Variants in CLYBL observed in about 807,000 individuals in gnomAD.
CLYBL encodes citramalyl-CoA lyase, mitochondrial.
In CLYBL, 31 loss-of-function variants were observed where a neutral mutation model predicts 38.9. That is an observed-to-expected ratio of 0.80 (90% confidence interval 0.60 to 1.08). The LOEUF (loss-of-function observed/expected upper bound fraction) is 1.08, where lower values mean the gene tolerates loss of function less well. CLYBL is among the 50% of genes least tolerant of loss of function. The pLI, the probability that CLYBL is intolerant of heterozygous loss-of-function variation, is 0.00. For synonymous variants in CLYBL, 171 were observed against 158.6 expected, an observed-to-expected ratio of 1.08 and a Z score of -0.59; for missense variants, 434 against 411.6, an observed-to-expected ratio of 1.05 and a Z score of -0.47.
chr13:99,648,156 A>G (rs200201728), intron 1 of CLYBL, among the ~76,000 whole-genome samples: 1 of 152,206 alleles, frequency 6.6e-6, no homozygotes, highest in East Asian at 1.9e-4. Context: ...TCGGGGGGGA[A>G]AAATCCTTTT....
At chr13:99,804,494 G>A (rs976883165) in intron 2 of CLYBL, among the ~76,000 whole-genome samples, 7 of 151,854 alleles carry the variant, frequency 4.6e-5, no homozygotes, top group African/African-American at 1.5e-4. Context: ...CTCCCTTGAT[G>A]ATCAGAGAGA....
At chr13:99,767,236 G>C (rs1192471070) in intron 1 of CLYBL, among the ~76,000 whole-genome samples, 1 of 152,114 alleles carries the variant, frequency 6.6e-6, no homozygotes, top group Non-Finnish European at 1.5e-5. Context: ...TTTTTTCTGG[G>C]GTCCTGGGAA....
chr13:99,827,882 A>G (rs1339412301), intron 2 of CLYBL, among the ~76,000 whole-genome samples: 2 of 152,222 alleles, frequency 1.3e-5, no homozygotes, highest in Non-Finnish European at 2.9e-5. Flanking sequence ...GAGGGATCTC[A>G]CCAGAATAGT....
At chr13:99,876,312 T>C (rs1041671472) in intron 7 of CLYBL, among the ~76,000 whole-genome samples, 2 of 150,780 alleles carry the variant, frequency 1.3e-5, no homozygotes, top group Non-Finnish European at 3.0e-5. Flanking sequence ...TCCCAGCTAC[T>C]TGAGAGGCTG....
At chr13:99,674,251 A>G (rs1330441844) in intron 1 of CLYBL, among the ~76,000 whole-genome samples, 1 of 145,148 alleles carries the variant, frequency 6.9e-6, no homozygotes, top group Non-Finnish European at 1.5e-5. Context: ...TCGCAGGTTC[A>G]AGCGATTCTC....
intron 1 of CLYBL, among the ~76,000 whole-genome samples, chr13:99,609,792 G>A (rs1178973124): frequency 2.0e-5 from 3 of 152,138 alleles, no homozygotes; most frequent in African/African-American, 7.2e-5. Flanking sequence ...TGCCTCTGTC[G>A]CTCATAGTAT....
intron 1 of CLYBL, among the ~76,000 whole-genome samples, chr13:99,703,181 G>T (rs2048095131): frequency 6.6e-6 from 1 of 152,140 alleles, no homozygotes; most frequent in Non-Finnish European, 1.5e-5. Flanking sequence ...GGCTGGGCAC[G>T]AGGTGGCTCT....
chr13:99,778,885 C>T (rs2049578873), intron 2 of CLYBL, among the ~76,000 whole-genome samples: 1 of 152,114 alleles, frequency 6.6e-6, no homozygotes, highest in Non-Finnish European at 1.5e-5. Flanking sequence ...GATATTTAAA[C>T]AATTCTTTAA....
chr13:99,811,553 C>T (rs2761164), intron 2 of CLYBL, among the ~76,000 whole-genome samples: 98,229 of 152,012 alleles, frequency 0.65, 32,904 homozygotes, highest in East Asian at 0.95. Flanking sequence ...TGAGAAGCGG[C>T]TGGAGCCAGA....
At chr13:99,805,244 G>A (rs992557217) in intron 2 of CLYBL, among the ~76,000 whole-genome samples, 1 of 152,106 alleles carries the variant, frequency 6.6e-6, no homozygotes, top group African/African-American at 2.4e-5. Flanking sequence ...GTGTCTGTTC[G>A]AGTCCCTGCT....
intron 1 of CLYBL, among the ~76,000 whole-genome samples, chr13:99,625,860 G>A (rs2046862218): frequency 1.3e-5 from 2 of 152,206 alleles, no homozygotes; most frequent in African/African-American, 4.8e-5. Flanking sequence ...AAGAGAGAAG[G>A]GAAGAACATT....
intron 2 of CLYBL, among the ~76,000 whole-genome samples, chr13:99,838,090 ATAAG>A (rs1009264764): frequency 6.6e-6 from 1 of 152,212 alleles, no homozygotes; most frequent in African/African-American, 2.4e-5. Context: ...TCAAATATGC[ATAAG>A]TAATTATATA....
chr13:99,885,144 G>A lies in CLYBL; in HGVS notation c.928-6174G>A, dbSNP rs1240799888. The stretch of plus-strand genomic sequence containing the variant: ...GGCGCCTCCCCACAGGGGCCTCACA[G>A]TGTTGTGAAAGACAGCAATGTAAAC... On this transcript the variant is annotated intron_variant, in intron 7 of 8. Coordinates refer to ENST00000339105, the MANE Select transcript of CLYBL (RefSeq NM_206808.5). 3 of 520,096 alleles carry A rather than the reference G, an allele frequency of 5.8e-6. No individual in the cohort carries two copies. The East Asian group carries it at 1.7e-4, about 29-fold the overall frequency. The allele number at this position is 520,096 out of a possible 1,614,324, so 32.2% of individuals were successfully genotyped here. A position where few individuals can be genotyped will look rare whatever the true frequency, so the allele number is the denominator to read the frequency against.
At chr13:99,817,879 C>T (rs1488655163) in intron 2 of CLYBL, among the ~76,000 whole-genome samples, 11 of 152,044 alleles carry the variant, frequency 7.2e-5, no homozygotes, top group African/African-American at 2.4e-4. Flanking sequence ...TGGCACACAC[C>T]TCTAGTCTTA....
chr13:99,827,998 T>A (rs1477206544), intron 2 of CLYBL, among the ~76,000 whole-genome samples: 2 of 152,162 alleles, frequency 1.3e-5, no homozygotes, highest in African/African-American at 2.4e-5. Flanking sequence ...TTTCGTTTCA[T>A]TTGTGCACAG....
intron 1 of CLYBL, among the ~76,000 whole-genome samples, chr13:99,727,937 G>C (rs2139556981): frequency 6.6e-6 from 1 of 152,206 alleles, no homozygotes; most frequent in South Asian, 2.1e-4. Flanking sequence ...AATTAGCCAG[G>C]CATGGCGGTG....
intron 7 of CLYBL, among the ~76,000 whole-genome samples, chr13:99,872,704 G>A (rs181426697): frequency 1.3e-5 from 2 of 152,326 alleles, no homozygotes; most frequent in Admixed American, 1.3e-4. Context: ...ACATTGGGTA[G>A]CATCAAAGGA....
chr13:99,624,383 G>A (rs1213345824), intron 1 of CLYBL, among the ~76,000 whole-genome samples: 3 of 152,176 alleles, frequency 2.0e-5, no homozygotes, highest in Non-Finnish European at 4.4e-5. Flanking sequence ...ATGAGCGGGT[G>A]GAAAGGCAAA....
chr13:99,842,270 T>C (rs1350927600), intron 2 of CLYBL, among the ~76,000 whole-genome samples: 1 of 152,218 alleles, frequency 6.6e-6, no homozygotes, highest in African/African-American at 2.4e-5. Flanking sequence ...CTCTGTGTCT[T>C]CAAGGATAAG....
Sources: gnomAD v4.1 joint callset for allele counts (sites outside exome capture counted in the v4.1 genomes callset) on GRCh38, gnomAD v4.1.1 for gene constraint, MANE v1.5 for transcripts, NCBI Gene and HGNC (gene_info 2026-07-23, HGNC 2026-07-21) for gene names.